ABCA13: variants seen among roughly 807,000 people sequenced by gnomAD.
ABCA13 encodes the protein ATP binding cassette subfamily A member 13, also known as ATP-binding cassette sub-family A member 13.
ABCA13 carries 476 observed loss-of-function variants against 478.7 expected under a neutral mutation model. That is an observed-to-expected ratio of 0.99 (90% confidence interval 0.92 to 1.07). ABCA13 has a LOEUF of 1.07. Among genes scored for constraint, ABCA13 ranks in the 50% least tolerant of loss-of-function variants. The probability of loss-of-function intolerance (pLI) is 0.00; values close to 1 mark genes in which losing one functional copy is unlikely to be tolerated. For synonymous variants in ABCA13, 2,252 were observed against 2,158.9 expected, an observed-to-expected ratio of 1.04 and a Z score of -1.20; for missense variants, 6,060 against 5,910.6, an observed-to-expected ratio of 1.03 and a Z score of -0.83.
Position 48,276,186 on chromosome 7 carries a change from A to G in ABCA13, c.6520A>G (p.Asn2174Asp), listed in dbSNP as rs772371569. ...AIATFWGSLKNISRAGNFDVA... is the reference protein window; with the variant it reads ...AIATFWGSLKDISRAGNFDVA... ...TGCTACTTTTTGGGGCTCTTTAAAA[A>G]ATATATCTAGAGCAGGCAATTTTGA... The change falls in exon 17 of 62, where the codon AAT (asparagine) becomes GAT (aspartate). Residue 2174 changes from asparagine (N) to aspartate (D), a missense_variant. By Grantham distance (23) the Asn-to-Asp change is conservative. Transcript: ENST00000435803. The G allele has an allele frequency of 1.6e-5, 25 of 1,590,098 alleles. No individual in the cohort carries two copies. In the Admixed American group the frequency reaches 4.4e-4, roughly 28 times the overall value.
intron 1 of ABCA13, among the ~76,000 whole-genome samples, chr7:48,174,469 T>A (rs1794574976): frequency 6.6e-6 from 1 of 152,150 alleles, no homozygotes; most frequent in Admixed American, 6.5e-5. Flanking sequence ...AAACATCTTA[T>A]TATAGATTCA....
At chr7:48,197,638 C>T (rs1304550283) in intron 2 of ABCA13, among the ~76,000 whole-genome samples, 6 of 149,978 alleles carry the variant, frequency 4.0e-5, no homozygotes, top group East Asian at 3.9e-4. Context: ...CACTCCCACC[C>T]TCCTGATGGT....
chr7:48,223,975 A>AG (rs1787766207), intron 5 of ABCA13, among the ~76,000 whole-genome samples: 1 of 150,018 alleles, frequency 6.7e-6, no homozygotes, highest in Admixed American at 6.6e-5. Flanking sequence ...AAAAAAAAAA[A>AG]AAGAGAGAGA....
At chr7:48,401,663 T>G (rs1375439340) in intron 38 of ABCA13, among the ~76,000 whole-genome samples, 1 of 151,758 alleles carries the variant, frequency 6.6e-6, no homozygotes, top group Admixed American at 6.6e-5. Flanking sequence ...ATTTATAAAA[T>G]ACACATGAAT....
rs145952872 is a variant in ABCA13, at chr7:48,179,468, G to A, written c.69+7916G>A. On this transcript the variant is annotated intron_variant, in intron 1 of 61. Coordinates refer to ENST00000435803, the MANE Select transcript of ABCA13 (RefSeq NM_152701.5). ...CTAAGCCAGAGAGTTCCCCTGAGGG[G>A]TAGTACCTCTGCCTGGTCCTACCCG... 2.2e-3 allele frequency among the ~76,000 whole-genome samples: 335 copies of A among 152,284 alleles called. 3 individuals are homozygous for A. The highest frequency in any genetic ancestry group is 7.7e-3 in the African/African-American group (318 of 41,540).
rs1338207075 is a variant in ABCA13 at position 48,234,149 on chromosome 7, G to T, written c.895G>T (p.Glu299Ter). 1.9e-5 allele frequency: 31 copies of T among 1,613,756 alleles called. No homozygotes were observed. The highest frequency in any genetic ancestry group is 2.5e-5 in the Non-Finnish European group (29 of 1,179,822). The change falls in exon 8 of 62, where the codon GAG becomes TAG. Residue 299 changes from glutamate (E) to a stop codon, truncating the protein, a stop_gained and splice_region_variant. Coordinates refer to ENST00000435803, the MANE Select transcript of ABCA13 (RefSeq NM_152701.5). LOFTEE classifies it high-confidence loss of function. Reference protein sequence around the residue: ...QILNSSAELKEIPTDTSLEKM... With the variant: ...QILNSSAELK ...CCTGAACTCTTCAGCTGAACTGAAG[G>T]AGGTACACATGCTTGACTGCTTCTC...
chr7:48,606,856 G>A (rs570406845), intron 58 of ABCA13, among the ~76,000 whole-genome samples: 1 of 152,194 alleles, frequency 6.6e-6, no homozygotes, highest in Non-Finnish European at 1.5e-5. Flanking sequence ...GGAGATGGGG[G>A]TTTTATCTAT....
chr7:48,229,613 C>T (rs1759155334), intron 6 of ABCA13, among the ~76,000 whole-genome samples: 1 of 152,168 alleles, frequency 6.6e-6, no homozygotes, highest in African/African-American at 2.4e-5. Flanking sequence ...TCAAGTGTTT[C>T]AAGAGAAGAC....
At chr7:48,190,340 G>C (rs566198114) in intron 1 of ABCA13, among the ~76,000 whole-genome samples, 2 of 152,128 alleles carry the variant, frequency 1.3e-5, no homozygotes, top group Non-Finnish European at 2.9e-5. Context: ...AATGTGCATT[G>C]GTTTTAGTAT....
intron 15 of ABCA13, among the ~76,000 whole-genome samples, chr7:48,254,202 G>C (rs1679274483): frequency 6.6e-6 from 1 of 150,456 alleles, no homozygotes; most frequent in Non-Finnish European, 1.5e-5. Flanking sequence ...TTATTTTCTG[G>C]GTGTCAGTAT....
chr7:48,533,165 G>A (rs1404661898), intron 55 of ABCA13, among the ~76,000 whole-genome samples: 1 of 151,978 alleles, frequency 6.6e-6, no homozygotes, highest in African/African-American at 2.4e-5. Context: ...CATTGCCTTT[G>A]CTGTATCCCA....
At chr7:48,311,690 G>A (rs1196013358) in intron 24 of ABCA13, among the ~76,000 whole-genome samples, 2 of 152,126 alleles carry the variant, frequency 1.3e-5, no homozygotes, top group Non-Finnish European at 2.9e-5. Context: ...AATAACAACA[G>A]CTCTTATTTA....
intron 45 of ABCA13, 38 bp from the exon 46 acceptor site, chr7:48,480,997 TA>T (rs775541907): frequency 7.3e-7 from 1 of 1,374,500 alleles, no homozygotes; most frequent in Non-Finnish European, 1.0e-6. Flanking sequence ...TTGTGAATTA[TA>T]AAAAAGTTTG....
At chr7:48,493,853 G>T (rs1159022020) in intron 48 of ABCA13, among the ~76,000 whole-genome samples, 4 of 152,174 alleles carry the variant, frequency 2.6e-5, no homozygotes, top group African/African-American at 9.7e-5. Flanking sequence ...TGATTCTAAT[G>T]GTAACCAAGT....
At chr7:48,192,762 G>C (rs1385613126) in intron 1 of ABCA13, among the ~76,000 whole-genome samples, 197 bp from the exon 2 acceptor site, 1 of 151,968 alleles carries the variant, frequency 6.6e-6, no homozygotes, top group Non-Finnish European at 1.5e-5. Flanking sequence ...GGGTCTGATG[G>C]GAGAAGAACA....
intron 23 of ABCA13, among the ~76,000 whole-genome samples, chr7:48,299,053 C>T (rs78682628): frequency 6.6e-6 from 1 of 152,060 alleles, no homozygotes; most frequent in African/African-American, 2.4e-5. Context: ...GTAACACATA[C>T]GGGCCACATG....
intron 27 of ABCA13, among the ~76,000 whole-genome samples, chr7:48,327,136 T>C (rs1200480384): frequency 6.6e-6 from 1 of 152,188 alleles, no homozygotes; most frequent in Non-Finnish European, 1.5e-5. Context: ...TGAAGAAATA[T>C]GGGAAACTGG....
At chr7:48,602,025 TGA>T (rs1320845490) in intron 58 of ABCA13, among the ~76,000 whole-genome samples, 3 of 152,270 alleles carry the variant, frequency 2.0e-5, no homozygotes, top group African/African-American at 7.2e-5. Flanking sequence ...TGTTTTCTTT[TGA>T]GAAGTGTCTG....
At position 48,417,168 on chromosome 7, in the gene ABCA13, A is replaced by G. The variant is rs1220347550; in HGVS notation, c.12459+4585A>G. Among the ~76,000 whole-genome samples the G allele has an allele frequency of 2.0e-5, 3 of 152,204 alleles. No homozygotes were observed. In the East Asian group the frequency reaches 5.8e-4, roughly 29 times the overall value. On this transcript the variant is annotated intron_variant, in intron 41 of 61. Coordinates refer to ENST00000435803, the MANE Select transcript of ABCA13 (RefSeq NM_152701.5). ...GAACAGGATCCCCCAGCTTTTCCAT[A>G]GACTGATTCCTAGAAATGCAATTAC... is the stretch of plus-strand genomic sequence containing the variant.
Sources: allele counts gnomAD v4.1 joint callset (sites outside exome capture counted in the v4.1 genomes callset), GRCh38; gene constraint gnomAD v4.1.1; transcripts MANE v1.5; gene names NCBI Gene and HGNC (gene_info 2026-07-23, HGNC 2026-07-21).